Variants in ELAVL2 observed in about 807,000 individuals in gnomAD.
ELAVL2 encodes ELAV like RNA binding protein 2, also known as ELAV-like protein 2.
In ELAVL2, 4 loss-of-function variants were observed where a neutral mutation model predicts 34.6. The observed-to-expected ratio is 0.12, with a 90% CI of 0.06 to 0.26. The LOEUF is 0.26. Among genes scored for constraint, ELAVL2 ranks in the 10% least tolerant of loss-of-function variants. ELAVL2 has a pLI of 1.00. For synonymous variants in ELAVL2, 193 were observed against 154.8 expected (o/e 1.25, Z -1.83); for missense variants, 432 against 442.8 (o/e 0.98, Z 0.22).
intron 1 of ELAVL2, among the ~76,000 whole-genome samples, chr9:23,793,462 A>T (rs2137308148): frequency 6.6e-6 from 1 of 152,284 alleles, no homozygotes; most frequent in East Asian, 1.9e-4. Flanking sequence ...ATTTGATCTG[A>T]GCTCAATCAG....
chr9:23,733,170 C>CT, intron 2 of ELAVL2, among the ~76,000 whole-genome samples: 2 of 94,930 alleles, frequency 2.1e-5, no homozygotes, highest in East Asian at 6.7e-4. Context: ...ATCTAGAAAG[C>CT]TTAAAAAAAA....
At chr9:23,794,692 T>C (rs1053214816) in intron 1 of ELAVL2, among the ~76,000 whole-genome samples, 1 of 152,190 alleles carries the variant, frequency 6.6e-6, no homozygotes. Context: ...CCTTAATGTT[T>C]AGGAAAATCA....
chr9:23,738,160 C>G (rs1010393689), intron 2 of ELAVL2, among the ~76,000 whole-genome samples: 1 of 152,160 alleles, frequency 6.6e-6, no homozygotes, highest in Non-Finnish European at 1.5e-5. Flanking sequence ...GCAACTCGCA[C>G]CAGACTTCAC....
intron 2 of ELAVL2, among the ~76,000 whole-genome samples, chr9:23,760,571 A>C (rs963267865): frequency 6.6e-6 from 1 of 151,980 alleles, no homozygotes; most frequent in Non-Finnish European, 1.5e-5. Context: ...TTTGTTCTTC[A>C]CCTTTTTCAA....
intron 2 of ELAVL2, among the ~76,000 whole-genome samples, chr9:23,751,656 G>C (rs2052071910): frequency 1.3e-5 from 2 of 152,216 alleles, no homozygotes; most frequent in Admixed American, 1.3e-4. Flanking sequence ...GGAAGATGAT[G>C]TCAATAAAAG....
intron 1 of ELAVL2, among the ~76,000 whole-genome samples, chr9:23,796,985 A>G (rs997469767): frequency 6.6e-6 from 1 of 152,126 alleles, no homozygotes; most frequent in Non-Finnish European, 1.5e-5. Context: ...ATGGACTGCA[A>G]AGCTGGTTGA....
chr9:23,730,998 G>A lies in ELAVL2; in HGVS notation c.333+24C>T, dbSNP rs780574873. 3 of 1,583,374 alleles carry A rather than the reference G, an allele frequency of 1.9e-6. No individual in the cohort carries two copies. In the East Asian group the frequency reaches 6.7e-5, roughly 36 times the overall value. ...TTTTTAAACTTCTGTTCCGCAAGTA[G>A]ATATAAAAAAACTTTAAACATACTT... On this transcript the variant is annotated intron_variant, in intron 3 of 6. Coordinates refer to ENST00000397312, the MANE Select transcript of ELAVL2 (RefSeq NM_004432.5).
intron 1 of ELAVL2, among the ~76,000 whole-genome samples, chr9:23,771,080 G>A (rs1311037343): frequency 2.0e-5 from 3 of 152,186 alleles, no homozygotes; most frequent in Non-Finnish European, 4.4e-5. Context: ...AATTGTGTGT[G>A]GGTGTGCAGG....
At chr9:23,846,940 G>T in the ELAVL2 span, among the ~76,000 whole-genome samples, 1 of 151,894 alleles carries the variant, frequency 6.6e-6, no homozygotes, top group Non-Finnish European at 1.5e-5. Flanking sequence ...ATAGATTTTT[G>T]ATTCACATCC....
chr9:23,783,350 G>A (rs2059308830), intron 1 of ELAVL2: 1 of 582,082 alleles, frequency 1.7e-6, no homozygotes, highest in Non-Finnish European at 2.2e-6. Flanking sequence ...ACAGTCTGAA[G>A]CCACTTAAAT....
chr9:23,790,995 C>G (rs141846190), intron 1 of ELAVL2, among the ~76,000 whole-genome samples: 1 of 152,182 alleles, frequency 6.6e-6, no homozygotes, highest in Non-Finnish European at 1.5e-5. Flanking sequence ...CTCTTGACAT[C>G]TGTGGCAAAA....
At chr9:23,758,667 C>G (rs1301997447) in intron 2 of ELAVL2, among the ~76,000 whole-genome samples, 1 of 152,074 alleles carries the variant, frequency 6.6e-6, no homozygotes, top group African/African-American at 2.4e-5. Context: ...TTTATAGCAC[C>G]ATGTTCAGTG....
At chr9:23,785,310 T>TA (rs2059552258) in intron 1 of ELAVL2, among the ~76,000 whole-genome samples, 1 of 152,174 alleles carries the variant, frequency 6.6e-6, no homozygotes, top group African/African-American at 2.4e-5. Flanking sequence ...GATATGAAGA[T>TA]AAAGTCATAC....
chr9:23,701,033 A>G (rs77097575), intron 5 of ELAVL2, among the ~76,000 whole-genome samples: 1,747 of 152,242 alleles, frequency 0.011, 42 homozygotes, highest in African/African-American at 0.04. Flanking sequence ...GGAGCTTAGC[A>G]GCATCCCCGA....
chr9:23,759,761 T>TATATATATATATATATAC (rs1564324195), intron 2 of ELAVL2, among the ~76,000 whole-genome samples: 1 of 103,420 alleles, frequency 9.7e-6, no homozygotes, highest in Non-Finnish European at 1.7e-5. Context: ...GTATTATATA[T>TATATATATATATATATAC]ATATATATAT....
At chr9:23,760,521 G>C (rs2054725749) in intron 2 of ELAVL2, among the ~76,000 whole-genome samples, 2 of 151,912 alleles carry the variant, frequency 1.3e-5, no homozygotes, top group Admixed American at 6.6e-5. Context: ...ATGTTAAAAA[G>C]ATGTTTAAAA....
intron 1 of ELAVL2, among the ~76,000 whole-genome samples, chr9:23,819,450 T>C (rs532551858): frequency 3.7e-4 from 56 of 152,282 alleles, no homozygotes; most frequent in African/African-American, 1.3e-3. Context: ...TGGTAGACAC[T>C]GACCAGCAGT....
chr9:23,703,759 GAAAC>G (rs895849614), intron 4 of ELAVL2, among the ~76,000 whole-genome samples: 11 of 151,978 alleles, frequency 7.2e-5, no homozygotes. Context: ...GGCGGGGAGA[GAAAC>G]AAACAGTGAG....
intron 2 of ELAVL2, among the ~76,000 whole-genome samples, chr9:23,739,188 G>A (rs1180485337): frequency 8.5e-5 from 13 of 152,126 alleles, no homozygotes; most frequent in Non-Finnish European, 1.9e-4. Flanking sequence ...CCCACAGGAT[G>A]AGACTCTACC....
Sources: allele counts gnomAD v4.1 joint callset (sites outside exome capture counted in the v4.1 genomes callset), GRCh38; gene constraint gnomAD v4.1.1; transcripts MANE v1.5; gene names NCBI Gene and HGNC (gene_info 2026-07-23, HGNC 2026-07-21).